The following TRIM13 variants were observed in gnomAD, a reference collection of about 807,000 sequenced individuals.
TRIM13 encodes E3 ubiquitin-protein ligase TRIM13.
A neutral mutation model predicts 27.1 loss-of-function variants in TRIM13; 15 were observed. That is an observed-to-expected ratio of 0.55 (90% CI 0.37 to 0.85). TRIM13 has a LOEUF of 0.85. Among genes scored for constraint, TRIM13 ranks in the 40% least tolerant of loss-of-function variants. The pLI, the probability that TRIM13 is intolerant of heterozygous loss-of-function variation, is 0.00. For synonymous variants in TRIM13, 193 were observed against 171.5 expected (o/e 1.13, Z -0.98); for missense variants, 402 against 472.2 (o/e 0.85, Z 1.38).
rs1281884784 is a variant in TRIM13 at position 49,999,528 on chromosome 13, A to G, written c.-7+1765A>G. Among the ~76,000 whole-genome samples, 6 of 152,240 alleles carry G rather than the reference A, an allele frequency of 3.9e-5. No homozygotes were observed. In the East Asian group the frequency reaches 9.6e-4, roughly 24 times the overall value. On this transcript the variant is annotated intron_variant, in intron 1 of 1. Transcript: ENST00000378182. ...AATGGAGCCATTTCATTATGAGGTAAATACTATAAAAATCATTTTTAAATT... is the reference window on the plus strand; with the variant it reads ...AATGGAGCCATTTCATTATGAGGTAGATACTATAAAAATCATTTTTAAATT...
chr13:50,015,391 C>A lies in TRIM13; in HGVS notation c.*2227C>A. On this transcript the variant is annotated 3_prime_UTR_variant, in exon 2 of 2. Transcript: ENST00000378182. ...TAAGTCTGGTTTTTGTTATTCTTCC[C>A]TCCCCTCCACTGCATAATCATGTAT... 1.2e-6 allele frequency: 1 copy of A among 840,186 alleles called. No homozygotes were observed. Among genetic ancestry groups the A allele is most frequent in the Non-Finnish European group, 1.9e-6 (1 of 521,756 alleles). The allele number at this position is 840,186 out of a possible 1,614,324, so 52.0% of individuals were successfully genotyped here.
chr13:50,015,464 T>TGGTA lies in TRIM13; in HGVS notation c.*2302_*2305dup, dbSNP rs1299361874. The TGGTA allele has an allele frequency of 6.7e-7, 1 of 1,499,064 alleles. No individual in the cohort carries two copies. The highest frequency in any genetic ancestry group is 1.4e-5 in the African/African-American group (1 of 71,930). 92.9% of individuals were successfully genotyped at this position (1,499,064 alleles called of 1,614,324 possible). A position where few individuals can be genotyped will look rare whatever the true frequency, so the allele number is the denominator to read the frequency against. ...AGGTTGATTTCCTAAGTGTGGCTGATGGTAGCCTCTAGTTTGAAGTGAGGG... is the reference window on the plus strand; with the variant it reads ...AGGTTGATTTCCTAAGTGTGGCTGATGGTAGGTAGCCTCTAGTTTGAAGTGAGGG... On this transcript the variant is annotated 3_prime_UTR_variant, in exon 2 of 2. Coordinates refer to ENST00000378182, the MANE Select transcript of TRIM13 (RefSeq NM_213590.3).
intron 1 of TRIM13, among the ~76,000 whole-genome samples, chr13:50,007,947 C>T (rs1452451889): frequency 6.6e-6 from 1 of 151,606 alleles, no homozygotes; most frequent in African/African-American, 2.4e-5. Flanking sequence ...CTGTGTTGCC[C>T]AGGCTGGAGT....
At chr13:50,005,341 G>A (rs749392685) in intron 1 of TRIM13, among the ~76,000 whole-genome samples, 45 of 151,972 alleles carry the variant, frequency 3.0e-4, no homozygotes, top group Admixed American at 7.9e-4. Context: ...TTGTGGAAGT[G>A]GTCACATAGT....
chr13:50,012,375 C>T lies in TRIM13; in HGVS notation c.435C>T (p.Leu145=). 1 of 1,614,150 alleles carries T rather than the reference C, an allele frequency of 6.2e-7. No homozygotes were observed. The highest frequency in any genetic ancestry group is 8.5e-7 in the Non-Finnish European group (1 of 1,179,998). ...YAQERDAFES[L]FQSFETWRRG... is the part of the protein sequence containing the mutation. ...AGGAAAGGGATGCCTTTGAGTCCCT[C>T]TTCCAGAGCTTTGAGACCTGGCGTC... The change falls in exon 2 of 2, where the codon CTC becomes CTT. Residue 145 remains leucine, a synonymous_variant. Transcript: ENST00000378182.
chr13:50,004,077 T>A (rs1179105446), intron 1 of TRIM13, among the ~76,000 whole-genome samples: 1 of 152,216 alleles, frequency 6.6e-6, no homozygotes, highest in African/African-American at 2.4e-5. Flanking sequence ...TTGTTTGCCT[T>A]TATGTGCTTA....
chr13:50,010,293 G>A (rs1398265385), intron 1 of TRIM13, among the ~76,000 whole-genome samples: 1 of 152,078 alleles, frequency 6.6e-6, no homozygotes. Flanking sequence ...AGGTCAAGCG[G>A]TCCACTCTCT....
intron 1 of TRIM13, among the ~76,000 whole-genome samples, chr13:50,006,322 T>A (rs1874706298): frequency 6.6e-6 from 1 of 152,150 alleles, no homozygotes; most frequent in Admixed American, 6.5e-5. Context: ...ATCCTCAATT[T>A]TCTTCATAGT....
intron 1 of TRIM13, among the ~76,000 whole-genome samples, chr13:50,010,474 C>T (rs1875494207): frequency 6.6e-6 from 1 of 152,136 alleles, no homozygotes; most frequent in Non-Finnish European, 1.5e-5. Flanking sequence ...GATCTTTTAC[C>T]CATGCCTGAT....
At chr13:50,005,857 A>T (rs1874639167) in intron 1 of TRIM13, among the ~76,000 whole-genome samples, 1 of 148,604 alleles carries the variant, frequency 6.7e-6, no homozygotes, top group Non-Finnish European at 1.5e-5. Context: ...AGCTGGGATT[A>T]CAGGCATGCG....
In TRIM13 at chr13:50,000,424, A is replaced by G. The variant is rs149519923; in HGVS notation, c.-7+2661A>G. Among the ~76,000 whole-genome samples, 402 of 152,330 alleles carry G rather than the reference A, an allele frequency of 2.6e-3. 4 individuals are homozygous for G. Among genetic ancestry groups the G allele is most frequent in the South Asian group, 0.017 (80 of 4,832 alleles). ...GCTGTGGAGCAAGACTTTTCTCTAT[A>G]AGGTGTTTACCTAAATGTTACAATA... On this transcript the variant is annotated intron_variant, in intron 1 of 1. Transcript: ENST00000378182.
intron 1 of TRIM13, among the ~76,000 whole-genome samples, chr13:50,002,390 AAAAC>A (rs1774557854): frequency 6.6e-6 from 1 of 151,596 alleles, no homozygotes; most frequent in South Asian, 2.1e-4. Context: ...CTGTCTCAAA[AAAAC>A]AAAAACAAAA....
chr13:50,006,748 ATCACAAAGGATT>A lies in TRIM13; in HGVS notation c.-6-5185_-6-5174del, dbSNP rs1874765284. Among the ~76,000 whole-genome samples the A allele has an allele frequency of 2.0e-5, 3 of 152,296 alleles. No homozygotes were observed. The South Asian group carries it at 6.2e-4, about 32-fold the overall frequency. On this transcript the variant is annotated intron_variant, in intron 1 of 1. Coordinates refer to ENST00000378182, the MANE Select transcript of TRIM13 (RefSeq NM_213590.3). ...TTTCAGAGGTTATATGATTTGTCAT[ATCACAAAGGATT>A]TTTCAGAAAAATCAGCTAATTACAC...
At chr13:50,011,529 C>A (rs746532421) in intron 1 of TRIM13, among the ~76,000 whole-genome samples, 3 of 152,090 alleles carry the variant, frequency 2.0e-5, no homozygotes, top group Non-Finnish European at 4.4e-5. Context: ...ATATAACATA[C>A]CATTTCATAT....
chr13:50,009,751 A>AAAC (rs1555324164), intron 1 of TRIM13, among the ~76,000 whole-genome samples: 8 of 142,498 alleles, frequency 5.6e-5, no homozygotes, highest in Non-Finnish European at 7.7e-5. Context: ...AAAAAAAAAA[A>AAAC]AAAAAAACAA....
Position 49,997,623 on chromosome 13 carries a change from CAAAT to C in TRIM13, c.-142_-139del, listed in dbSNP as rs1873393332. On this transcript the variant is annotated 5_prime_UTR_variant, in exon 1 of 2. The change creates a new upstream start codon in the 5' untranslated region. Transcript: ENST00000378182. ...TGAGGGTCAAGATTGGGGTGCTGTG[CAAAT>C]AAATGCGTTAATACTGTTCTTTTTC... is the stretch of plus-strand genomic sequence containing the variant. 1 of 152,122 alleles carries C rather than the reference CAAAT, an allele frequency of 6.6e-6. No homozygotes were observed. Among genetic ancestry groups the C allele is most frequent in the Non-Finnish European group, 1.5e-5 (1 of 68,048 alleles). 9.4% of individuals were successfully genotyped at this position (152,122 alleles called of 1,614,324 possible).
At position 50,012,111 on chromosome 13, in the gene TRIM13, C is replaced by T; in HGVS notation, c.171C>T (p.Cys57=). ...WRPAPFKCPT[C]RKETSATGIN... ...CAGCTCCATTCAAGTGTCCTACATG[C>T]CGTAAGGAAACTTCAGCTACTGGAA... The change falls in exon 2 of 2, where the codon TGC becomes TGT. Residue 57 remains cysteine (C), a synonymous_variant. Transcript: ENST00000378182. The T allele has an allele frequency of 6.2e-7, 1 of 1,614,096 alleles. No individual in the cohort carries two copies. The highest frequency in any genetic ancestry group is 1.1e-5 in the South Asian group (1 of 91,082).
rs543670023 is a variant in TRIM13, at chr13:50,015,450, C to T, written c.*2286C>T. 1.4e-6 allele frequency: 2 copies of T among 1,395,886 alleles called. No individual in the cohort carries two copies. The highest frequency in any genetic ancestry group is 2.6e-5 in the South Asian group (2 of 77,906). The allele number at this position is 1,395,886 out of a possible 1,614,324, so 86.5% of individuals were successfully genotyped here. A position where few individuals can be genotyped will look rare whatever the true frequency, so the allele number is the denominator to read the frequency against. ...ACATTTATGGTTATAGGTTGATTTCCTAAGTGTGGCTGATGGTAGCCTCTA... is the reference window on the plus strand; with the variant it reads ...ACATTTATGGTTATAGGTTGATTTCTTAAGTGTGGCTGATGGTAGCCTCTA... On this transcript the variant is annotated 3_prime_UTR_variant, in exon 2 of 2. Transcript: ENST00000378182.
chr13:50,003,700 G>A (rs1332629182), intron 1 of TRIM13, among the ~76,000 whole-genome samples: 1 of 152,126 alleles, frequency 6.6e-6, no homozygotes, highest in Non-Finnish European at 1.5e-5. Flanking sequence ...AATTGAGGTA[G>A]GATTCATAAA....
Sources: gnomAD v4.1 joint callset for allele counts (sites outside exome capture counted in the v4.1 genomes callset) on GRCh38, gnomAD v4.1.1 for gene constraint, MANE v1.5 for transcripts, NCBI Gene and HGNC (gene_info 2026-07-23, HGNC 2026-07-21) for gene names.